The following PEAK3 variants were observed in gnomAD, a reference collection of about 807,000 sequenced individuals.
PEAK3 encodes the protein PEAK family member 3.
PEAK3 carries 15 observed loss-of-function variants against 13.3 expected under a neutral mutation model. The ratio of observed to expected loss-of-function variants is 1.13; its 90% CI spans 0.75 to 1.73. The LOEUF is 1.73. Among genes scored for constraint, PEAK3 ranks in the 40% most tolerant of loss-of-function variants. The pLI is 0.00. For missense variants in PEAK3, 739 were observed against 690.2 expected (o/e 1.07, Z -0.79); for synonymous variants, 347 against 341.9 (o/e 1.01, Z -0.17).
Position 2,275,971 on chromosome 19 carries a change from C to A in PEAK3, c.1131G>T (p.Leu377=). ...TTPLAAGLEL[L]AAQLTRLRPS... is the part of the protein sequence containing the mutation. ...GCCGCAAGCGGGTCAGCTGTGCTGC[C>A]AGGAGCTCCAGGCCCGCGGCCAAAG... Residue 377 remains leucine, a synonymous_variant, in exon 4 of 4, where the codon CTG becomes CTT. Transcript: ENST00000342063. 7.1e-7 allele frequency: 1 copy of A among 1,416,536 alleles called. No individual in the cohort carries two copies. The highest frequency in any genetic ancestry group is 1.5e-5 in the African/African-American group (1 of 66,000). 87.7% of individuals were successfully genotyped at this position (1,416,536 alleles called of 1,614,324 possible). A position where few individuals can be genotyped will look rare whatever the true frequency, so the allele number is the denominator to read the frequency against.
chr19:2,279,233 G>A (rs1407622422), intron 2 of PEAK3, 120 bp from the exon 3 acceptor site: 15 of 829,310 alleles, frequency 1.8e-5, no homozygotes, highest in South Asian at 3.4e-5. Flanking sequence ...GCTGGGCGCC[G>A]GTGGCTCATG....
At position 2,277,805 on chromosome 19, in the gene PEAK3, T is replaced by C. The variant is rs2025404043; in HGVS notation, c.612+779A>G. Reference sequence around the variant, plus strand: ...TGGTCTCGAACTCCTGACCTCATGATCTGCCCGCCTTGGCCTTCCAAAGTG... The same window carrying C: ...TGGTCTCGAACTCCTGACCTCATGACCTGCCCGCCTTGGCCTTCCAAAGTG... On this transcript the variant is annotated intron_variant, in intron 3 of 3. Transcript: ENST00000342063. Among the ~76,000 whole-genome samples the C allele has an allele frequency of 2.0e-5, 3 of 151,630 alleles. No homozygotes were observed. The South Asian group carries it at 6.2e-4, about 31-fold the overall frequency.
At position 2,280,867 on chromosome 19, in the gene PEAK3, G is replaced by T. The variant is rs1418365209; in HGVS notation, c.65C>A (p.Pro22His). ...EPDNPTWSTQ[P>H]TYSNLGQIRA... ...CTGCTTACCAAGGTTGCTATACGTG[G>T]GCTGAGTCGACCAGGTGGGGTTGTC... Residue 22 changes from proline to histidine, a missense_variant, in exon 2 of 4, where the codon CCC becomes CAC. By Grantham distance (77) the Pro-to-His change is moderately conservative. Coordinates refer to ENST00000342063, the MANE Select transcript of PEAK3 (RefSeq NM_198532.3). 1 of 1,606,984 alleles carries T rather than the reference G, an allele frequency of 6.2e-7. No homozygotes were observed. Among genetic ancestry groups the T allele is most frequent in the Non-Finnish European group, 8.5e-7 (1 of 1,176,804 alleles).
At position 2,280,882 on chromosome 19, in the gene PEAK3, G is replaced by A. The variant is rs1282511501; in HGVS notation, c.50C>T (p.Thr17Ile). 4 of 1,603,682 alleles carry A rather than the reference G, an allele frequency of 2.5e-6. No individual in the cohort carries two copies. The highest frequency in any genetic ancestry group is 3.4e-6 in the Non-Finnish European group (4 of 1,175,014). ...GCTATACGTGGGCTGAGTCGACCAG[G>A]TGGGGTTGTCGGGCTCGGGGGGCTC... The part of the protein sequence containing the change: ...PTEPPEPDNP[T>I]WSTQPTYSNL... The change falls in exon 2 of 4, where the codon ACC (threonine) becomes ATC (isoleucine). Residue 17 changes from threonine (T) to isoleucine (I), a missense_variant. Coordinates refer to ENST00000342063, the MANE Select transcript of PEAK3 (RefSeq NM_198532.3).
intron 1 of PEAK3, among the ~76,000 whole-genome samples, 169 bp from the exon 2 acceptor site, chr19:2,281,104 C>G (rs2025435200): frequency 6.6e-6 from 1 of 151,952 alleles, no homozygotes; most frequent in Non-Finnish European, 1.5e-5. Context: ...CCAGTTTTGA[C>G]CCTGCTGTGT....
intron 3 of PEAK3, among the ~76,000 whole-genome samples, chr19:2,278,064 C>T (rs186877830): frequency 1.9e-3 from 290 of 148,978 alleles, no homozygotes; most frequent in Non-Finnish European, 3.1e-3. Flanking sequence ...AGGGTTTCAC[C>T]GTGTTAGCCA....
At chr19:2,279,169 C>G in intron 2 of PEAK3, 56 bp from the exon 3 acceptor site, 7 of 1,312,476 alleles carry the variant, frequency 5.3e-6, no homozygotes, top group Non-Finnish European at 6.9e-6. Flanking sequence ...GAACGGGACA[C>G]GTGACTCCAC....
Position 2,276,493 on chromosome 19 carries a change from C to T in PEAK3, c.613-4G>A. 3 of 1,519,038 alleles carry T rather than the reference C, an allele frequency of 2.0e-6. No homozygotes were observed. The highest frequency in any genetic ancestry group is 2.6e-6 in the Non-Finnish European group (3 of 1,140,684). The allele number at this position is 1,519,038 out of a possible 1,614,324, so 94.1% of individuals were successfully genotyped here. The stretch of plus-strand genomic sequence containing the variant: ...CGTCCGCCCCGGGCTTGGGCACCTG[C>T]AAGGCAGAGGGGGTGTCGGGGCCTG... On this transcript the variant is annotated splice_polypyrimidine_tract_variant and splice_region_variant and intron_variant, in intron 3 of 3. Coordinates refer to ENST00000342063, the MANE Select transcript of PEAK3 (RefSeq NM_198532.3).
chr19:2,278,434 G>C (rs949751896), intron 3 of PEAK3, 150 bp downstream of exon 3: 1 of 876,496 alleles, frequency 1.1e-6, no homozygotes, highest in South Asian at 4.8e-5. Flanking sequence ...GTGCTGGGAT[G>C]ACAGGCGTGA....
chr19:2,277,281 A>G (rs979743346), intron 3 of PEAK3, among the ~76,000 whole-genome samples: 2 of 152,096 alleles, frequency 1.3e-5, no homozygotes, highest in African/African-American at 4.8e-5. Context: ...TTTATCATGA[A>G]TGGCTCAGCA....
chr19:2,276,406 C>G lies in PEAK3; in HGVS notation c.696G>C (p.Gly232=). 6.3e-7 allele frequency: 1 copy of G among 1,599,044 alleles called. No homozygotes were observed. The highest frequency in any genetic ancestry group is 8.5e-7 in the Non-Finnish European group (1 of 1,178,024). ...TGCCTTCAGGCACCAGGCCACACAG[C>G]CCCTGCAGATTGAAGTGTGGAGACA... ...ASLSPHFNLQ[G]LCGLVPEGTL... The change falls in exon 4 of 4, where the codon GGG becomes GGC. Residue 232 remains glycine, a synonymous_variant. Coordinates refer to ENST00000342063, the MANE Select transcript of PEAK3 (RefSeq NM_198532.3).
At chr19:2,280,720 C>A in intron 2 of PEAK3, 130 bp downstream of exon 2, 1 of 702,938 alleles carries the variant, frequency 1.4e-6, no homozygotes, top group Non-Finnish European at 2.4e-6. Context: ...ATTTTACCAG[C>A]TGCTGCTGTT....
intron 3 of PEAK3, 123 bp from the exon 4 acceptor site, chr19:2,276,612 G>A: frequency 1.3e-6 from 1 of 778,224 alleles, no homozygotes; most frequent in East Asian, 2.9e-5. Context: ...CTACGGCTAG[G>A]GGCTGCCTGC....
In PEAK3 at chr19:2,275,591, G is replaced by A. The variant is rs1442809536; in HGVS notation, c.*89C>T. ...CGCTCCTGGACTCTGCAGGAAGAGG[G>A]TGTCTTGGCTATCATGGAGACGCTG... On this transcript the variant is annotated 3_prime_UTR_variant, in exon 4 of 4. Coordinates refer to ENST00000342063, the MANE Select transcript of PEAK3 (RefSeq NM_198532.3). 1.7e-6 allele frequency: 2 copies of A among 1,166,540 alleles called. No individual in the cohort carries two copies. The highest frequency in any genetic ancestry group is 2.2e-6 in the Non-Finnish European group (2 of 894,102). The allele number at this position is 1,166,540 out of a possible 1,614,324, so 72.3% of individuals were successfully genotyped here.
In PEAK3 at chr19:2,276,102, C is replaced by T. The variant is rs749124266; in HGVS notation, c.1000G>A (p.Val334Ile). 1.3e-6 allele frequency: 2 copies of T among 1,507,088 alleles called. No homozygotes were observed. The highest frequency in any genetic ancestry group is 2.5e-5 in the South Asian group (2 of 78,792). 93.4% of individuals were successfully genotyped at this position (1,507,088 alleles called of 1,614,324 possible). ...GGGGGTCCAGGGGGCTGCAGACAGACGCGGCCAAAGTCAGTGAGGAGCAGG... is the reference window on the plus strand; with the variant it reads ...GGGGGTCCAGGGGGCTGCAGACAGATGCGGCCAAAGTCAGTGAGGAGCAGG... ...PRLLLTDFGR[V>I]CLQPPGPPGS... The change falls in exon 4 of 4, where the codon GTC becomes ATC. Residue 334 changes from valine to isoleucine, a missense_variant. By Grantham distance (29) the Val-to-Ile change is conservative. Transcript: ENST00000342063.
Position 2,276,245 on chromosome 19 carries a change from A to T in PEAK3, c.857T>A (p.Leu286Gln). The T allele has an allele frequency of 6.3e-7, 1 of 1,584,482 alleles. No individual in the cohort carries two copies. Among genetic ancestry groups the T allele is most frequent in the Non-Finnish European group, 8.5e-7 (1 of 1,171,298 alleles). The change falls in exon 4 of 4, where the codon CTG (leucine) becomes CAG (glutamine). Residue 286 changes from leucine (L) to glutamine (Q), a missense_variant. Physicochemically the swap from Leu to Gln is moderately radical, Grantham distance 113. Transcript: ENST00000342063. ...EFVWAVALLL[L>Q]QLSAALKFLE... ...GAACTTCAGGGCCGCGCTCAGCTGC[A>T]GCAGCAGCAGGGCCACAGCCCACAC...
chr19:2,279,313 C>G (rs2025420860), intron 2 of PEAK3, among the ~76,000 whole-genome samples, 200 bp from the exon 3 acceptor site: 1 of 152,072 alleles, frequency 6.6e-6, no homozygotes, highest in South Asian at 2.1e-4. Context: ...GGTTTGAGAC[C>G]AGCCTGGGCA....
Position 2,274,953 on chromosome 19 carries a change from A to AAAAG in PEAK3, c.*726_*727insCTTT, listed in dbSNP as rs869180944. On this transcript the variant is annotated 3_prime_UTR_variant, in exon 4 of 4. Coordinates refer to ENST00000342063, the MANE Select transcript of PEAK3 (RefSeq NM_198532.3). Reference sequence around the variant, plus strand: ...TCTCAAAAAAAAAAAAAAAAAAAAAAGAAAAAGAAAGTGGAACTGGAACAG... The same window carrying AAAAG: ...TCTCAAAAAAAAAAAAAAAAAAAAAAAAAGGAAAAAGAAAGTGGAACTGGAACAG... 1 of 131,748 alleles carries AAAAG rather than the reference A, an allele frequency of 7.6e-6. No homozygotes were observed. The highest frequency in any genetic ancestry group is 1.7e-5 in the Non-Finnish European group (1 of 58,540). 8.2% of individuals were successfully genotyped at this position (131,748 alleles called of 1,614,324 possible). A position where few individuals can be genotyped will look rare whatever the true frequency, so the allele number is the denominator to read the frequency against.
In PEAK3 at chr19:2,279,097, G is replaced by A. The variant is rs1242178803; in HGVS notation, c.99C>T (p.His33=). 3 of 1,455,916 alleles carry A rather than the reference G, an allele frequency of 2.1e-6. No individual in the cohort carries two copies. The highest frequency in any genetic ancestry group is 2.7e-6 in the Non-Finnish European group (3 of 1,099,926). The allele number at this position is 1,455,916 out of a possible 1,614,324, so 90.2% of individuals were successfully genotyped here. ...GGCGGCAGGCCTTGGAGGGCAGCAG[G>A]TGGGCACGGATCTGACCTGCAGGGA... The part of the protein sequence containing the change: ...TYSNLGQIRA[H]LLPSKACRLR... The change falls in exon 3 of 4, where the codon CAC becomes CAT. Residue 33 remains histidine, a synonymous_variant. Coordinates refer to ENST00000342063, the MANE Select transcript of PEAK3 (RefSeq NM_198532.3).
Sources: allele counts gnomAD v4.1 joint callset (sites outside exome capture counted in the v4.1 genomes callset), GRCh38; gene constraint gnomAD v4.1.1; transcripts MANE v1.5; gene names NCBI Gene and HGNC (gene_info 2026-07-23, HGNC 2026-07-21).